The following KIR2DL3 variants were observed in gnomAD, a reference collection of about 807,000 sequenced individuals.
KIR2DL3 encodes the protein killer cell immunoglobulin like receptor, two Ig domains and long cytoplasmic tail 3.
A neutral mutation model predicts 33.8 loss-of-function variants in KIR2DL3; 39 were observed. The observed-to-expected ratio is 1.15, with a 90% CI of 0.89 to 1.51. The LOEUF (loss-of-function observed/expected upper bound fraction) is 1.51, where lower values mean the gene tolerates loss of function less well. Ranked by LOEUF, KIR2DL3 falls within the 40% of genes most tolerant of loss-of-function variation. KIR2DL3 has a pLI of 0.00. For synonymous variants in KIR2DL3, 174 were observed against 160.2 expected (o/e 1.09, Z -0.65); for missense variants, 462 against 426.2 (o/e 1.08, Z -0.74).
intron 2 of KIR2DL3, among the ~76,000 whole-genome samples, chr19:54,741,127 C>T (rs1467558196): frequency 1.3e-5 from 2 of 151,298 alleles, no homozygotes; most frequent in South Asian, 4.2e-4. Flanking sequence ...TAATTTTCTA[C>T]AGCAGCAACA....
chr19:54,740,900 G>C (rs2070941524), intron 2 of KIR2DL3, among the ~76,000 whole-genome samples: 1 of 151,924 alleles, frequency 6.6e-6, no homozygotes, highest in African/African-American at 2.4e-5. Flanking sequence ...CAGTCCAGTG[G>C]AAGTCTTCAC....
Position 54,751,678 on chromosome 19 carries a change from G to A in KIR2DL3, c.745G>A (p.Gly249Arg). ...CCCCAGACACCTGCATGTTCTGATT[G>A]GGACCTCAGTGGTCATCATCCTCTT... is the stretch of plus-strand genomic sequence containing the variant. The part of the protein sequence containing the change: ...GNPRHLHVLI[G>R]TSVVIILFIL... Residue 249 changes from glycine to arginine, a missense_variant, in exon 6 of 8, where the codon GGG (glycine) becomes AGG (arginine). Transcript: ENST00000342376. 6.7e-7 allele frequency: 1 copy of A among 1,485,202 alleles called. No individual in the cohort carries two copies. The highest frequency in any genetic ancestry group is 9.2e-7 in the Non-Finnish European group (1 of 1,092,614). 92.0% of individuals were successfully genotyped at this position (1,485,202 alleles called of 1,614,324 possible).
chr19:54,752,307 T>G, intron 7 of KIR2DL3, 39 bp downstream of exon 7: 1 of 1,483,098 alleles, frequency 6.7e-7, no homozygotes, highest in Non-Finnish European at 9.2e-7. Context: ...CTAGTGTTAT[T>G]CCCAAAGAGT....
intron 5 of KIR2DL3, among the ~76,000 whole-genome samples, chr19:54,748,708 G>T (rs62124362): frequency 0.25 from 26,843 of 109,108 alleles, 809 homozygotes; most frequent in South Asian, 0.33. Context: ...TGCAACCTGC[G>T]TCTCCTGGAT....
At chr19:54,751,042 C>A (rs78799030) in intron 5 of KIR2DL3, among the ~76,000 whole-genome samples, 132 of 121,386 alleles carry the variant, frequency 1.1e-3, no homozygotes, top group Middle Eastern at 4.5e-3. Context: ...TCTAAAGGAA[C>A]ACTTGAGCCT....
chr19:54,751,976 C>G (rs374110974), intron 6 of KIR2DL3, among the ~76,000 whole-genome samples: 6 of 133,692 alleles, frequency 4.5e-5, no homozygotes, highest in South Asian at 5.4e-4. Flanking sequence ...TGCAGCCACT[C>G]ACATCCAGGA....
chr19:54,751,105 A>G (rs1238433789), intron 5 of KIR2DL3, among the ~76,000 whole-genome samples: 2 of 132,144 alleles, frequency 1.5e-5, no homozygotes, highest in Non-Finnish European at 3.3e-5. Flanking sequence ...TGCAGGCTGT[A>G]CTGGAAGCGT....
Position 54,742,269 on chromosome 19 carries a change from C to G in KIR2DL3, c.360C>G (p.Ile120Met), listed in dbSNP as rs771556841. ...CAGCTCCCAGTGACCCTCTGGACATCGTCATCACAGGTGAGAGTGTCCGGA... is the reference window on the plus strand; with the variant it reads ...CAGCTCCCAGTGACCCTCTGGACATGGTCATCACAGGTGAGAGTGTCCGGA... The part of the protein sequence containing the change: ...QLSAPSDPLD[I>M]VITGLYEKPS... The change falls in exon 3 of 8, where the codon ATC becomes ATG. Residue 120 changes from isoleucine (I) to methionine (M), a missense_variant. Physicochemically the swap from Ile to Met is conservative, Grantham distance 10. Transcript: ENST00000342376. 150 of 1,613,896 alleles carry G rather than the reference C, an allele frequency of 9.3e-5. No individual in the cohort carries two copies. The highest frequency in any genetic ancestry group is 1.2e-4 in the Non-Finnish European group (146 of 1,179,904).
intron 3 of KIR2DL3, among the ~76,000 whole-genome samples, 179 bp downstream of exon 3, chr19:54,742,458 C>T (rs1459983828): frequency 1.3e-5 from 2 of 151,270 alleles, no homozygotes; most frequent in Non-Finnish European, 2.9e-5. Flanking sequence ...GACCAGGTGT[C>T]ATAACAGAGG....
At chr19:54,741,153 A>G (rs2071013530) in intron 2 of KIR2DL3, among the ~76,000 whole-genome samples, 1 of 151,374 alleles carries the variant, frequency 6.6e-6, no homozygotes, top group East Asian at 1.9e-4. Context: ...CCAACACTGG[A>G]ACCCAGGTCA....
intron 7 of KIR2DL3, 22 bp from the exon 8 acceptor site, chr19:54,752,345 C>G: frequency 3.4e-6 from 5 of 1,482,416 alleles, no homozygotes; most frequent in Non-Finnish European, 4.6e-6. Flanking sequence ...CCCTCCCTCA[C>G]TCAGCATTTC....
intron 4 of KIR2DL3, among the ~76,000 whole-genome samples, chr19:54,744,909 CACATATATAAACATATATATATAT>C (rs2072088458): frequency 2.4e-5 from 1 of 41,584 alleles, no homozygotes; most frequent in Non-Finnish European, 5.4e-5. Context: ...CACACACACA[CACATATATAAACATATATATATAT>C]ATATATATAT....
chr19:54,746,509 G>A (rs1320847570), intron 4 of KIR2DL3, among the ~76,000 whole-genome samples: 2 of 147,962 alleles, frequency 1.4e-5, no homozygotes, highest in Admixed American at 7.0e-5. Flanking sequence ...TTTCTTCTAC[G>A]TGTTTCATAG....
chr19:54,752,189 T>C lies in KIR2DL3; in HGVS notation c.821-27T>C. ...GAGGGCCCAGAAGTGCCCTCTGAGC[T>C]GTTTTGTTGACTTCCGTCTTCTACA... On this transcript the variant is annotated intron_variant, in intron 6 of 7. Transcript: ENST00000342376. 2.7e-6 allele frequency: 4 copies of C among 1,460,000 alleles called. 1 individual carries two copies. The highest frequency in any genetic ancestry group is 3.7e-6 in the Non-Finnish European group (4 of 1,074,730). 90.4% of individuals were successfully genotyped at this position (1,460,000 alleles called of 1,614,324 possible).
chr19:54,743,756 G>T lies in KIR2DL3; in HGVS notation c.371-39G>T, dbSNP rs770007869. 5.2e-6 allele frequency: 8 copies of T among 1,541,490 alleles called. No individual in the cohort carries two copies. The Admixed American group carries it at 1.4e-4, about 27-fold the overall frequency. On this transcript the variant is annotated intron_variant, in intron 3 of 7. Coordinates refer to ENST00000342376, the MANE Select transcript of KIR2DL3 (RefSeq NM_015868.3). ...GCTCAGGTGAAGGGAGCTGTGACAA[G>T]GAAGATCCTCCGTAAGGAAAATGCC...
chr19:54,751,216 A>G lies in KIR2DL3; in HGVS notation c.716-433A>G, dbSNP rs2073367675. ...CAGAGACCACAGAGATCACACGGCA[A>G]GAGAGGGAGCAAGGGGGAGGGGGAG... On this transcript the variant is annotated intron_variant, in intron 5 of 7. Coordinates refer to ENST00000342376, the MANE Select transcript of KIR2DL3 (RefSeq NM_015868.3). Among the ~76,000 whole-genome samples the G allele has an allele frequency of 1.5e-5, 2 of 131,958 alleles. 1 individual carries two copies. The highest frequency in any genetic ancestry group is 1.6e-4 in the Admixed American group (2 of 12,776). 86.6% of individuals were successfully genotyped at this position (131,958 alleles called of 152,430 possible).
chr19:54,749,473 A>C (rs2073107648), intron 5 of KIR2DL3, among the ~76,000 whole-genome samples: 1 of 120,618 alleles, frequency 8.3e-6, no homozygotes, highest in Non-Finnish European at 1.9e-5. Flanking sequence ...ACTGGGTTTG[A>C]TTTTCCTACT....
rs540499784 is a variant in KIR2DL3, at chr19:54,744,359, G to A, written c.664+271G>A. On this transcript the variant is annotated intron_variant, in intron 4 of 7. Transcript: ENST00000342376. ...AGAGGAGAGAGACTGGGCTCAGTTT[G>A]GGAAGATCAGAGGTTCCCTCAGCCC... Among the ~76,000 whole-genome samples the A allele has an allele frequency of 5.3e-5, 8 of 152,168 alleles. No individual in the cohort carries two copies. The East Asian group carries it at 1.6e-3, about 30-fold the overall frequency.
At chr19:54,739,212 G>A (rs1261669745) in intron 1 of KIR2DL3, among the ~76,000 whole-genome samples, 1 of 151,114 alleles carries the variant, frequency 6.6e-6, no homozygotes, top group South Asian at 2.1e-4. Flanking sequence ...GGAGATATGG[G>A]ACTGGATTGG....
Sources: gnomAD v4.1 joint callset for allele counts (sites outside exome capture counted in the v4.1 genomes callset) on GRCh38, gnomAD v4.1.1 for gene constraint, MANE v1.5 for transcripts, NCBI Gene and HGNC (gene_info 2026-07-23, HGNC 2026-07-21) for gene names.